The following LPP variants were observed in gnomAD, a reference collection of about 807,000 sequenced individuals.
LPP encodes lipoma-preferred partner.
LPP carries 38 observed loss-of-function variants against 60.4 expected under a neutral mutation model. The ratio of observed to expected loss-of-function variants is 0.63; its 90% CI spans 0.49 to 0.83. The LOEUF (loss-of-function observed/expected upper bound fraction) is 0.83, where lower values mean the gene tolerates loss of function less well. LPP is among the 40% of genes least tolerant of loss of function. LPP has a pLI of 0.00. For missense variants in LPP, 902 were observed against 783.6 expected (o/e 1.15, Z -1.80); for synonymous variants, 328 against 290.8 (o/e 1.13, Z -1.30).
At chr3:188,784,012 G>A (rs1002443445) in intron 9 of LPP, among the ~76,000 whole-genome samples, 29 of 151,918 alleles carry the variant, frequency 1.9e-4, no homozygotes, top group South Asian at 4.1e-4. Flanking sequence ...TGAGATTTTC[G>A]TGCACCCATC....
intron 3 of LPP, among the ~76,000 whole-genome samples, chr3:188,384,231 G>A (rs1777608851): frequency 6.6e-6 from 1 of 151,546 alleles, no homozygotes; most frequent in South Asian, 2.1e-4. Flanking sequence ...TCTTTATTTG[G>A]GATCCAAAAT....
intron 2 of LPP, among the ~76,000 whole-genome samples, chr3:188,279,468 G>T (rs902666087): frequency 1.3e-5 from 2 of 152,192 alleles, no homozygotes; most frequent in African/African-American, 4.8e-5. Context: ...CCCATTAGGG[G>T]ACTTGAATTG....
chr3:188,846,431 C>T (rs1303501519), intron 9 of LPP, among the ~76,000 whole-genome samples: 1 of 152,076 alleles, frequency 6.6e-6, no homozygotes, highest in East Asian at 1.9e-4. Flanking sequence ...TGCCTGTAAT[C>T]CCAGCACTTT....
chr3:188,615,752 C>T (rs1390713365), intron 7 of LPP, among the ~76,000 whole-genome samples: 1 of 152,096 alleles, frequency 6.6e-6, no homozygotes, highest in Non-Finnish European at 1.5e-5. Flanking sequence ...TCTGTTGTTT[C>T]TTGACTTTTT....
intron 7 of LPP, among the ~76,000 whole-genome samples, chr3:188,643,497 A>C (rs1486631588): frequency 6.6e-6 from 1 of 152,216 alleles, no homozygotes; most frequent in Admixed American, 6.5e-5. Context: ...TCTGAGAATG[A>C]GCATGTGTGA....
At chr3:188,337,181 G>A (rs777513473) in intron 2 of LPP, among the ~76,000 whole-genome samples, 3 of 152,106 alleles carry the variant, frequency 2.0e-5, no homozygotes, top group Non-Finnish European at 4.4e-5. Context: ...GTGGTTCAAC[G>A]GTAGCTTAGC....
intron 4 of LPP, among the ~76,000 whole-genome samples, chr3:188,441,609 C>CTTTCTTTTTTTTTTTTTTTTTTTTTTTT (rs1793886236): frequency 3.6e-5 from 2 of 55,672 alleles, no homozygotes; most frequent in Non-Finnish European, 6.8e-5. Context: ...CTTTTCTTTT[C>CTTTCTTTTTTTTTTTTTTTTTTTTTTTT]TTTTTTTTTT....
intron 8 of LPP, among the ~76,000 whole-genome samples, chr3:188,752,216 A>G (rs2150334286): frequency 6.6e-6 from 1 of 152,320 alleles, no homozygotes; most frequent in East Asian, 1.9e-4. Context: ...AGAAAAGGTT[A>G]CTGCAGTGCT....
chr3:188,315,563 A>G (rs1165818675), intron 2 of LPP, among the ~76,000 whole-genome samples: 1 of 152,084 alleles, frequency 6.6e-6, no homozygotes, highest in Non-Finnish European at 1.5e-5. Flanking sequence ...AGTTTTGCTA[A>G]ATAGTGTTTT....
At chr3:188,762,617 T>G (rs12493283) in intron 9 of LPP, among the ~76,000 whole-genome samples, 147,243 of 152,238 alleles carry the variant, frequency 0.97, 71,234 homozygotes, top group East Asian at 1. Flanking sequence ...CCAGGCATAG[T>G]ATGGGTCTCT....
chr3:188,582,573 T>G (rs1057263167), intron 6 of LPP, among the ~76,000 whole-genome samples: 2 of 152,150 alleles, frequency 1.3e-5, no homozygotes, highest in Non-Finnish European at 2.9e-5. Context: ...TAAGAGAGCC[T>G]TTAACTACTA....
chr3:188,238,255 G>T (rs1022344957), intron 2 of LPP, among the ~76,000 whole-genome samples: 1 of 152,136 alleles, frequency 6.6e-6, no homozygotes. Flanking sequence ...AGGGAATTTT[G>T]TGGCTGGTTT....
Position 188,484,706 on chromosome 3 carries a change from T to C in LPP, c.306+2T>C, listed in dbSNP as rs1805817101. On this transcript the variant is annotated splice_donor_variant, in intron 5 of 11. Coordinates refer to ENST00000617246, the MANE Select transcript of LPP (RefSeq NM_001375462.1). LOFTEE classifies it high-confidence loss of function. ...GATGAAGAGGCTTTCAAAGTACAGG[T>C]AAGAGCTGAAGTTAAAGTCATGTTA... 1.3e-6 allele frequency: 2 copies of C among 1,598,056 alleles called. No homozygotes were observed. Among genetic ancestry groups the C allele is most frequent in the South Asian group, 1.1e-5 (1 of 90,732 alleles).
intron 5 of LPP, among the ~76,000 whole-genome samples, chr3:188,506,990 G>C (rs997743054): frequency 6.6e-6 from 1 of 151,968 alleles, no homozygotes; most frequent in Non-Finnish European, 1.5e-5. Context: ...GTAGAGACGG[G>C]GTTTCACTGT....
intron 5 of LPP, among the ~76,000 whole-genome samples, chr3:188,509,031 C>G (rs1258370489): frequency 6.6e-6 from 1 of 152,130 alleles, no homozygotes; most frequent in African/African-American, 2.4e-5. Flanking sequence ...TCATGGATAT[C>G]GAAGGTGCTT....
intron 2 of LPP, among the ~76,000 whole-genome samples, chr3:188,271,166 T>C (rs540191117): frequency 1.4e-4 from 21 of 152,298 alleles, no homozygotes; most frequent in African/African-American, 5.1e-4. Context: ...CTGAAGTATG[T>C]TTTGGATGCA....
rs374083149 is a variant in LPP, at chr3:188,873,678, G to A, written c.1711-673G>A. ...TTATTTTCAGAGTGGCAGTCGGCCT[G>A]TGTGCATTGAGGCAGACTGTAGCAA... On this transcript the variant is annotated intron_variant, in intron 11 of 11. Transcript: ENST00000617246. 2.3e-4 allele frequency among the ~76,000 whole-genome samples: 35 copies of A among 152,222 alleles called. 1 individual carries two copies. The highest frequency in any genetic ancestry group is 1.9e-3 in the East Asian group (10 of 5,172).
chr3:188,384,597 C>G (rs974826301), intron 3 of LPP, among the ~76,000 whole-genome samples: 14 of 151,916 alleles, frequency 9.2e-5, no homozygotes, highest in Non-Finnish European at 1.8e-4. Flanking sequence ...TGAGAGCATC[C>G]TGGCCAACAT....
chr3:188,276,889 CTTTTCTTTTTTTTTTTTT>C (rs1369461530), intron 2 of LPP, among the ~76,000 whole-genome samples: 3 of 60,162 alleles, frequency 5.0e-5, no homozygotes, highest in African/African-American at 2.6e-4. Flanking sequence ...CACTTCTTTT[CTTTTCTTTTTTTTTTTTT>C]TTTTTTTTTT....
Sources: allele counts gnomAD v4.1 joint callset (sites outside exome capture counted in the v4.1 genomes callset), GRCh38; gene constraint gnomAD v4.1.1; transcripts MANE v1.5; gene names NCBI Gene and HGNC (gene_info 2026-07-23, HGNC 2026-07-21).